Variants in PXYLP1 observed in about 807,000 individuals in gnomAD.
PXYLP1 encodes 2-phosphoxylose phosphatase 1, also known as acid phosphatase-like 2.
In PXYLP1, 17 loss-of-function variants were observed where a neutral mutation model predicts 37.9. The ratio of observed to expected loss-of-function variants is 0.45; its 90% CI spans 0.31 to 0.67. The LOEUF (loss-of-function observed/expected upper bound fraction) is 0.67, where lower values mean the gene tolerates loss of function less well. Ranked by LOEUF, PXYLP1 falls within the 30% of genes least tolerant of loss-of-function variation. The pLI is 0.07. For synonymous variants in PXYLP1, 221 were observed against 232.2 expected, an observed-to-expected ratio of 0.95 and a Z score of 0.44; for missense variants, 511 against 612.0, an observed-to-expected ratio of 0.84 and a Z score of 1.74.
chr3:141,248,027 T>TTTG (rs1553751221), intron 1 of PXYLP1, among the ~76,000 whole-genome samples: 1 of 117,374 alleles, frequency 8.5e-6, no homozygotes, highest in Non-Finnish European at 1.7e-5. Flanking sequence ...TGTTTTGTTT[T>TTTG]TTTTTTTTTT....
At chr3:141,289,542 C>T (rs1942154087) in intron 5 of PXYLP1, among the ~76,000 whole-genome samples, 1 of 151,998 alleles carries the variant, frequency 6.6e-6, no homozygotes, top group Admixed American at 6.5e-5. Flanking sequence ...CAGAAAACAC[C>T]TCAAGCAAAA....
chr3:141,273,945 A>C, intron 2 of PXYLP1: 2 of 985,578 alleles, frequency 2.0e-6, no homozygotes, highest in South Asian at 9.4e-5. Flanking sequence ...TCCCACCTAC[A>C]TAATGAAACT....
chr3:141,239,696 C>T (rs1940749184), intron 1 of PXYLP1, among the ~76,000 whole-genome samples: 2 of 152,204 alleles, frequency 1.3e-5, no homozygotes, highest in Non-Finnish European at 2.9e-5. Flanking sequence ...ACTCTGTGTG[C>T]CAAATGCCCG....
intron 4 of PXYLP1, among the ~76,000 whole-genome samples, chr3:141,285,527 A>G (rs11709727): frequency 6.6e-6 from 1 of 151,638 alleles, no homozygotes; most frequent in Non-Finnish European, 1.5e-5. Context: ...ACAACAACAA[A>G]AAAAAACAAA....
At chr3:141,248,040 T>TTTTGTG (rs1941005366) in intron 1 of PXYLP1, among the ~76,000 whole-genome samples, 1 of 149,820 alleles carries the variant, frequency 6.7e-6, no homozygotes. Context: ...TTTTTTTTTT[T>TTTTGTG]GAGATGGAGT....
Position 141,260,272 on chromosome 3 carries a change from C to T in PXYLP1, c.79+18C>T. ...GCAGTTCTGTGAGTAGAGCCGGGCC[C>T]CGCAGGTCGTGGGAGGGTAGGGGCT... On this transcript the variant is annotated intron_variant, in intron 2 of 5. Coordinates refer to ENST00000286353, the MANE Select transcript of PXYLP1 (RefSeq NM_001037172.3). The T allele has an allele frequency of 6.2e-7, 1 of 1,611,104 alleles. No homozygotes were observed. The highest frequency in any genetic ancestry group is 8.5e-7 in the Non-Finnish European group (1 of 1,179,954).
intron 1 of PXYLP1, among the ~76,000 whole-genome samples, chr3:141,236,935 AAT>A (rs1488914938): frequency 2.0e-5 from 3 of 152,204 alleles, no homozygotes; most frequent in Non-Finnish European, 4.4e-5. Context: ...ATAAGTATAT[AAT>A]ATTTTATGCA....
Position 141,250,780 on chromosome 3 carries a change from GA to G in PXYLP1, c.-53-9342del. Among the ~76,000 whole-genome samples, 3 of 152,300 alleles carry G rather than the reference GA, an allele frequency of 2.0e-5. No homozygotes were observed. The East Asian group carries it at 5.8e-4, about 29-fold the overall frequency. ...GCTCTTGGCTTCCCATTGATGCTTG[GA>G]GTTGCTGAATCAACTAGCCTTGGAG... On this transcript the variant is annotated intron_variant, in intron 1 of 5. Coordinates refer to ENST00000286353, the MANE Select transcript of PXYLP1 (RefSeq NM_001037172.3).
At position 141,232,436 on chromosome 3, in the gene PXYLP1, G is replaced by A. The variant is rs1363591158; in HGVS notation, c.-54+525G>A. ...CGGTCCTGAGCCGGCTAGTCTCCAG[G>A]TAAGGAGGCGGCCGCAACTTCGCGG... On this transcript the variant is annotated intron_variant, in intron 1 of 5. Coordinates refer to ENST00000286353, the MANE Select transcript of PXYLP1 (RefSeq NM_001037172.3). 2.0e-5 allele frequency: 3 copies of A among 152,254 alleles called. No homozygotes were observed. In the East Asian group the frequency reaches 5.8e-4, roughly 29 times the overall value. 9.4% of individuals were successfully genotyped at this position (152,254 alleles called of 1,614,324 possible).
intron 2 of PXYLP1, 47 bp from the exon 3 acceptor site, chr3:141,278,295 T>G: frequency 6.2e-7 from 1 of 1,608,938 alleles, no homozygotes; most frequent in Non-Finnish European, 8.5e-7. Flanking sequence ...GCAGCTGGCC[T>G]GGCGCCCCAG....
At chr3:141,271,006 T>C (rs559313783) in intron 2 of PXYLP1, among the ~76,000 whole-genome samples, 1 of 152,196 alleles carries the variant, frequency 6.6e-6, no homozygotes, top group Non-Finnish European at 1.5e-5. Flanking sequence ...TCCTCCTGCC[T>C]CAGTCCCCTG....
rs1351286492 is a variant in PXYLP1 at position 141,235,988 on chromosome 3, G to A, written c.-54+4077G>A. ...ATGGCGGGAACAATCTCAGGAGTCT[G>A]GAAGAAGTTAATGATTAAAAAGGCA... On this transcript the variant is annotated intron_variant, in intron 1 of 5. Transcript: ENST00000286353. Among the ~76,000 whole-genome samples the A allele has an allele frequency of 5.3e-5, 8 of 152,300 alleles. No homozygotes were observed. The East Asian group carries it at 1.5e-3, about 29-fold the overall frequency.
intron 1 of PXYLP1, among the ~76,000 whole-genome samples, chr3:141,258,932 A>G (rs1228936696): frequency 6.6e-6 from 1 of 152,230 alleles, no homozygotes; most frequent in African/African-American, 2.4e-5. Flanking sequence ...TCTGTTAGCA[A>G]ATGTTCTCTT....
intron 2 of PXYLP1, among the ~76,000 whole-genome samples, chr3:141,261,738 C>G (rs1041569243): frequency 2.7e-5 from 4 of 147,460 alleles, no homozygotes; most frequent in Non-Finnish European, 1.5e-5. Context: ...CTCTCTGTAT[C>G]CCAGGAACCA....
At chr3:141,247,404 A>G (rs949459132) in intron 1 of PXYLP1, among the ~76,000 whole-genome samples, 1 of 152,248 alleles carries the variant, frequency 6.6e-6, no homozygotes, top group Non-Finnish European at 1.5e-5. Context: ...ATCTGTTAGA[A>G]TGATTTGTCT....
chr3:141,288,211 T>C (rs1441842987), intron 5 of PXYLP1, among the ~76,000 whole-genome samples: 1 of 152,204 alleles, frequency 6.6e-6, no homozygotes, highest in African/African-American at 2.4e-5. Context: ...GTTTTCTGAT[T>C]CTTCAATCTG....
In PXYLP1 at chr3:141,287,446, A is replaced by G. The variant is rs747445487; in HGVS notation, c.498A>G (p.Thr166=). Reference sequence around the variant, plus strand: ...CATTGTGTGAGATGGGAGAGCTCACACAGACAGGTATGTGTGACCCCCATG... The same window carrying G: ...CATTGTGTGAGATGGGAGAGCTCACGCAGACAGGTATGTGTGACCCCCATG... ...NHPLCEMGEL[T]QTGVVQHLQN... is the part of the protein sequence containing the mutation. The change falls in exon 5 of 6, where the codon ACA becomes ACG. Residue 166 remains threonine (T), a synonymous_variant. Transcript: ENST00000286353. 6.2e-7 allele frequency: 1 copy of G among 1,613,992 alleles called. No homozygotes were observed. Among genetic ancestry groups the G allele is most frequent in the Non-Finnish European group, 8.5e-7 (1 of 1,179,958 alleles).
chr3:141,283,115 C>T (rs78604337), intron 4 of PXYLP1, among the ~76,000 whole-genome samples: 5,154 of 151,324 alleles, frequency 0.034, 114 homozygotes, highest in Middle Eastern at 0.095. Flanking sequence ...TACAGGCACG[C>T]GCCACCATGC....
chr3:141,244,558 G>A (rs774963506), intron 1 of PXYLP1, among the ~76,000 whole-genome samples: 1 of 149,282 alleles, frequency 6.7e-6, no homozygotes, highest in Non-Finnish European at 1.5e-5. Flanking sequence ...ATATGCTAGC[G>A]TTGGTTTTAC....
Sources: gnomAD v4.1 joint callset for allele counts (sites outside exome capture counted in the v4.1 genomes callset) on GRCh38, gnomAD v4.1.1 for gene constraint, MANE v1.5 for transcripts, NCBI Gene and HGNC (gene_info 2026-07-23, HGNC 2026-07-21) for gene names.